Variants in ANKRD30BL observed in about 807,000 individuals in gnomAD.
ANKRD30BL encodes the protein ankyrin repeat domain 30B like.
ANKRD30BL carries 20 observed loss-of-function variants against 18.4 expected under a neutral mutation model. The ratio of observed to expected loss-of-function variants is 1.09; its 90% CI spans 0.77 to 1.58. ANKRD30BL has a LOEUF of 1.58. ANKRD30BL is among the 40% of genes most tolerant of loss of function. The probability of loss-of-function intolerance (pLI) is 0.00; values close to 1 mark genes in which losing one functional copy is unlikely to be tolerated. For synonymous variants in ANKRD30BL, 72 were observed against 100.9 expected, an observed-to-expected ratio of 0.71 and a Z score of 1.72; for missense variants, 224 against 268.6, an observed-to-expected ratio of 0.83 and a Z score of 1.16.
At chr2:132,221,667 C>G (rs1679690106) in intron 1 of ANKRD30BL, among the ~76,000 whole-genome samples, 1 of 124,308 alleles carries the variant, frequency 8.0e-6, no homozygotes, top group Non-Finnish European at 1.6e-5. Context: ...CCCGCCCGGC[C>G]AGCCGCCCCG....
At chr2:132,157,733 G>A (rs1216961562) in intron 1 of ANKRD30BL, among the ~76,000 whole-genome samples, 1 of 152,098 alleles carries the variant, frequency 6.6e-6, no homozygotes. Flanking sequence ...CATCAATAAA[G>A]TGAAGATGAA....
In ANKRD30BL at chr2:132,148,079, A is replaced by G; in HGVS notation, c.*52T>C. 6 of 1,401,582 alleles carry G rather than the reference A, an allele frequency of 4.3e-6. No homozygotes were observed. Among genetic ancestry groups the G allele is most frequent in the Non-Finnish European group, 5.9e-6 (6 of 1,010,516 alleles). 86.8% of individuals were successfully genotyped at this position (1,401,582 alleles called of 1,614,324 possible). On this transcript the variant is annotated 3_prime_UTR_variant, in exon 6 of 6. Coordinates refer to ENST00000409867, the MANE Select transcript of ANKRD30BL (RefSeq NM_001358416.1). ...TTGTACTTAATCTTCCCCCTCTTGA[A>G]TTTTAAAGGATGTTTACAGGCTAAA... is the stretch of plus-strand genomic sequence containing the variant.
At chr2:132,236,997 T>A (rs977933012) in intron 1 of ANKRD30BL, among the ~76,000 whole-genome samples, 1 of 151,366 alleles carries the variant, frequency 6.6e-6, no homozygotes, top group Non-Finnish European at 1.5e-5. Context: ...AAATTGGAAA[T>A]CATCATTCTC....
At chr2:132,167,693 G>A (rs1349336788) in intron 1 of ANKRD30BL, among the ~76,000 whole-genome samples, 1 of 152,124 alleles carries the variant, frequency 6.6e-6, no homozygotes, top group African/African-American at 2.4e-5. Context: ...CATGAGATGT[G>A]ATCTCATCAC....
At chr2:132,250,059 C>T (rs1361176060) in intron 1 of ANKRD30BL, among the ~76,000 whole-genome samples, 1 of 151,970 alleles carries the variant, frequency 6.6e-6, no homozygotes. Context: ...ACACCATTTC[C>T]AAGCTTTTCA....
chr2:132,171,784 T>C (rs1223305714), intron 1 of ANKRD30BL, among the ~76,000 whole-genome samples: 1 of 152,188 alleles, frequency 6.6e-6, no homozygotes, highest in South Asian at 2.1e-4. Flanking sequence ...TCAGAGGACA[T>C]TACATTCACC....
chr2:132,214,208 T>G (rs1164038606), intron 1 of ANKRD30BL, among the ~76,000 whole-genome samples: 1 of 152,016 alleles, frequency 6.6e-6, no homozygotes, highest in African/African-American at 2.4e-5. Flanking sequence ...TTGCGATTGG[T>G]GTATTCATGT....
intron 1 of ANKRD30BL, among the ~76,000 whole-genome samples, chr2:132,205,601 CAAAAAAA>C (rs563528186): frequency 1.5e-5 from 1 of 64,534 alleles, no homozygotes; most frequent in Non-Finnish European, 3.8e-5. Context: ...AACTTCGTCT[CAAAAAAA>C]AAAAAGAAAA....
At chr2:132,237,323 A>T in intron 1 of ANKRD30BL, among the ~76,000 whole-genome samples, 1 of 152,162 alleles carries the variant, frequency 6.6e-6, no homozygotes, top group South Asian at 2.1e-4. Flanking sequence ...CTACTTTGTG[A>T]TGGGTGTACT....
At chr2:132,249,808 T>C (rs12611874) in intron 1 of ANKRD30BL, among the ~76,000 whole-genome samples, 26,019 of 148,900 alleles carry the variant, frequency 0.17, 4,835 homozygotes, top group African/African-American at 0.47. Flanking sequence ...AGTTTTTATG[T>C]GATGATATTT....
intron 1 of ANKRD30BL, among the ~76,000 whole-genome samples, chr2:132,231,345 C>A (rs1175860567): frequency 6.6e-6 from 1 of 152,130 alleles, no homozygotes; most frequent in African/African-American, 2.4e-5. Flanking sequence ...GCCAAGATGG[C>A]CGAATAGGAA....
chr2:132,204,118 T>G (rs1364941642), intron 1 of ANKRD30BL, among the ~76,000 whole-genome samples: 2 of 152,188 alleles, frequency 1.3e-5, no homozygotes, highest in Admixed American at 6.6e-5. Flanking sequence ...ATATTTTAAT[T>G]GGATCCTGAA....
At chr2:132,230,954 T>G (rs1183327297) in intron 1 of ANKRD30BL, among the ~76,000 whole-genome samples, 1 of 151,936 alleles carries the variant, frequency 6.6e-6, no homozygotes, top group Non-Finnish European at 1.5e-5. Flanking sequence ...ATAGATGGAA[T>G]GCTTTGCAGC....
chr2:132,172,747 G>C (rs1189365057), intron 1 of ANKRD30BL, among the ~76,000 whole-genome samples: 1 of 149,052 alleles, frequency 6.7e-6, no homozygotes, highest in East Asian at 2.0e-4. Flanking sequence ...TTACTCTGTC[G>C]CCCAGGCTGG....
intron 1 of ANKRD30BL, among the ~76,000 whole-genome samples, chr2:132,205,817 C>A (rs1407026318): frequency 6.6e-6 from 1 of 151,918 alleles, no homozygotes; most frequent in Non-Finnish European, 1.5e-5. Context: ...TCATTTATAA[C>A]TTCAAAAATA....
chr2:132,198,545 C>A (rs912396387), intron 1 of ANKRD30BL, among the ~76,000 whole-genome samples: 3 of 151,598 alleles, frequency 2.0e-5, no homozygotes, highest in African/African-American at 7.3e-5. Flanking sequence ...GGATGGTCTC[C>A]ATCTCCTGAC....
At chr2:132,173,499 G>A (rs1394757239) in intron 1 of ANKRD30BL, among the ~76,000 whole-genome samples, 8 of 151,512 alleles carry the variant, frequency 5.3e-5, no homozygotes, top group African/African-American at 1.7e-4. Flanking sequence ...GGGTTTCACC[G>A]TGTTAGTCAG....
intron 1 of ANKRD30BL, among the ~76,000 whole-genome samples, chr2:132,253,809 G>T (rs544099870): frequency 6.6e-6 from 1 of 152,054 alleles, no homozygotes; most frequent in Non-Finnish European, 1.5e-5. Context: ...GGATGAGGGG[G>T]GTGGGACCGG....
At chr2:132,241,409 A>G (rs930799925) in intron 1 of ANKRD30BL, among the ~76,000 whole-genome samples, 1 of 151,898 alleles carries the variant, frequency 6.6e-6, no homozygotes, top group African/African-American at 2.4e-5. Context: ...TTCAACTCAC[A>G]GAGTTGAACC....
Sources: gnomAD v4.1 joint callset for allele counts (sites outside exome capture counted in the v4.1 genomes callset) on GRCh38, gnomAD v4.1.1 for gene constraint, MANE v1.5 for transcripts, NCBI Gene and HGNC (gene_info 2026-07-23, HGNC 2026-07-21) for gene names.